Variants in SLIT2 observed in about 807,000 individuals in gnomAD.
The protein encoded by SLIT2 is slit guidance ligand 2.
A neutral mutation model predicts 185.7 loss-of-function variants in SLIT2; 41 were observed. The observed-to-expected ratio is 0.22, with a 90% CI of 0.17 to 0.29. The LOEUF (loss-of-function observed/expected upper bound fraction) is 0.29. Among genes scored for constraint, SLIT2 ranks in the 10% least tolerant of loss-of-function variants. SLIT2 has a pLI of 1.00. For synonymous variants in SLIT2, 693 were observed against 680.2 expected (o/e 1.02, Z -0.29); for missense variants, 1,571 against 1,909.0 (o/e 0.82, Z 3.30).
At chr4:20,561,593 A>G (rs1724696341) in intron 26 of SLIT2, among the ~76,000 whole-genome samples, 1 of 151,812 alleles carries the variant, frequency 6.6e-6, no homozygotes, top group African/African-American at 2.4e-5. Flanking sequence ...AGCATTATTT[A>G]GAATAATAAT....
chr4:20,343,955 A>G (rs1358164524), intron 4 of SLIT2, among the ~76,000 whole-genome samples: 1 of 151,878 alleles, frequency 6.6e-6, no homozygotes, highest in Non-Finnish European at 1.5e-5. Flanking sequence ...GGTTCAAGCA[A>G]TTCTCCTGCC....
Position 20,525,135 on chromosome 4 carries a change from CT to C in SLIT2, c.1439-7del. On this transcript the variant is annotated splice_polypyrimidine_tract_variant and intron_variant, in intron 14 of 36. Transcript: ENST00000504154. ...CAGGTGCATCTTCTATTTTTTGTCT[CT>C]TTTTTTATTTAGCTAAAGAACAGTA... 1.9e-6 allele frequency: 3 copies of C among 1,603,114 alleles called. No homozygotes were observed. The highest frequency in any genetic ancestry group is 2.6e-6 in the Non-Finnish European group (3 of 1,170,480).
intron 4 of SLIT2, among the ~76,000 whole-genome samples, chr4:20,345,610 A>T (rs1461994663): frequency 2.2e-5 from 3 of 133,858 alleles, no homozygotes; most frequent in Admixed American, 8.5e-5. Flanking sequence ...ATCTTGGCTC[A>T]CGGCAACCTC....
At chr4:20,477,968 T>C (rs1382257115) in intron 5 of SLIT2, among the ~76,000 whole-genome samples, 3 of 152,068 alleles carry the variant, frequency 2.0e-5, no homozygotes, top group Non-Finnish European at 4.4e-5. Flanking sequence ...TGAAAGGTAG[T>C]GGAGAAGGGA....
chr4:20,530,782 A>G (rs1721732786), intron 16 of SLIT2, among the ~76,000 whole-genome samples: 1 of 152,122 alleles, frequency 6.6e-6, no homozygotes. Context: ...AACTCTTATA[A>G]TTTAGATTAA....
chr4:20,604,512 G>A (rs1039841197), intron 33 of SLIT2, among the ~76,000 whole-genome samples: 5 of 151,854 alleles, frequency 3.3e-5, no homozygotes, highest in Admixed American at 1.3e-4. Context: ...CCTACGCCTA[G>A]CTTTTTTTGT....
chr4:20,305,017 G>C (rs1446273688), intron 4 of SLIT2, among the ~76,000 whole-genome samples: 4 of 152,168 alleles, frequency 2.6e-5, no homozygotes, highest in African/African-American at 7.2e-5. Context: ...TAGTACACTA[G>C]ACTGTGAATT....
chr4:20,492,458 T>G (rs868573345), intron 9 of SLIT2, among the ~76,000 whole-genome samples: 2 of 152,238 alleles, frequency 1.3e-5, no homozygotes, highest in Non-Finnish European at 2.9e-5. Flanking sequence ...TAAATTCTTA[T>G]GACAAACTAT....
At chr4:20,606,230 T>C (rs1728788993) in intron 33 of SLIT2, among the ~76,000 whole-genome samples, 1 of 152,154 alleles carries the variant, frequency 6.6e-6, no homozygotes. Flanking sequence ...CATGGTGGTT[T>C]ACATCTGTAA....
chr4:20,273,651 A>G (rs1308629504), intron 4 of SLIT2, among the ~76,000 whole-genome samples: 1 of 152,180 alleles, frequency 6.6e-6, no homozygotes, highest in East Asian at 1.9e-4. Flanking sequence ...CACAATCAAA[A>G]TGATCCATTT....
At chr4:20,581,831 C>T (rs1726601228) in intron 29 of SLIT2, among the ~76,000 whole-genome samples, 1 of 152,212 alleles carries the variant, frequency 6.6e-6, no homozygotes, top group African/African-American at 2.4e-5. Flanking sequence ...ACTGCAACCT[C>T]CACCTCCCGG....
intron 18 of SLIT2, among the ~76,000 whole-genome samples, chr4:20,537,620 C>A (rs1722411600): frequency 6.6e-6 from 1 of 152,166 alleles, no homozygotes; most frequent in Non-Finnish European, 1.5e-5. Context: ...TACATTTTAG[C>A]ACCTGAGACA....
intron 4 of SLIT2, among the ~76,000 whole-genome samples, chr4:20,348,179 C>A (rs1283748948): frequency 6.6e-6 from 1 of 152,030 alleles, no homozygotes; most frequent in African/African-American, 2.4e-5. Flanking sequence ...ACCAAATCAC[C>A]TGTTAAAATG....
At chr4:20,312,401 C>T (rs1029677985) in intron 4 of SLIT2, among the ~76,000 whole-genome samples, 1 of 152,020 alleles carries the variant, frequency 6.6e-6, no homozygotes, top group South Asian at 2.1e-4. Context: ...TTTATGTTCA[C>T]AAAACATTTT....
chr4:20,261,858 C>G (rs1372867305), intron 3 of SLIT2, among the ~76,000 whole-genome samples: 2 of 151,740 alleles, frequency 1.3e-5, no homozygotes, highest in East Asian at 3.9e-4. Flanking sequence ...ATAACAAAGG[C>G]AGGCATGTGG....
intron 33 of SLIT2, 30 bp from the exon 34 acceptor site, chr4:20,609,983 A>G (rs781206718): frequency 1.3e-5 from 20 of 1,576,364 alleles, no homozygotes; most frequent in Non-Finnish European, 1.6e-5. Flanking sequence ...AAGAAAATGG[A>G]AGAATCAGCC....
intron 33 of SLIT2, among the ~76,000 whole-genome samples, chr4:20,600,472 G>A (rs900140428): frequency 6.2e-5 from 9 of 144,382 alleles, no homozygotes; most frequent in African/African-American, 2.4e-4. Flanking sequence ...ACCCAGGCTG[G>A]AGTGCAGTGG....
At chr4:20,414,877 G>A (rs892717181) in intron 4 of SLIT2, among the ~76,000 whole-genome samples, 1 of 152,060 alleles carries the variant, frequency 6.6e-6, no homozygotes, top group African/African-American at 2.4e-5. Flanking sequence ...CTTACTTGGA[G>A]TTTGTTGAGC....
intron 4 of SLIT2, among the ~76,000 whole-genome samples, chr4:20,406,701 A>G (rs1417178676): frequency 6.9e-6 from 1 of 144,594 alleles, no homozygotes; most frequent in Admixed American, 7.0e-5. Context: ...ACTCTCAAAC[A>G]TTGCCACTGG....
Sources: allele counts gnomAD v4.1 joint callset (sites outside exome capture counted in the v4.1 genomes callset), GRCh38; gene constraint gnomAD v4.1.1; transcripts MANE v1.5; gene names NCBI Gene and HGNC (gene_info 2026-07-23, HGNC 2026-07-21).